Variants in PLCL1 observed in about 807,000 individuals in gnomAD.
PLCL1 encodes phospholipase C like 1 (inactive), also known as inactive phospholipase C-like protein 1.
In PLCL1, 41 loss-of-function variants were observed where a neutral mutation model predicts 84.4. The ratio of observed to expected loss-of-function variants is 0.49; its 90% CI spans 0.38 to 0.63. The LOEUF is 0.63. PLCL1 is among the 30% of genes least tolerant of loss of function. PLCL1 has a pLI of 0.00. For missense variants in PLCL1, 1,206 were observed against 1,367.8 expected, an observed-to-expected ratio of 0.88 and a Z score of 1.87; for synonymous variants, 490 against 488.3, an observed-to-expected ratio of 1.00 and a Z score of -0.05.
intron 1 of PLCL1, among the ~76,000 whole-genome samples, chr2:197,985,123 T>C (rs1690194757): frequency 6.6e-6 from 1 of 152,192 alleles, no homozygotes; most frequent in South Asian, 2.1e-4. Flanking sequence ...CTGAATGCTT[T>C]GGTGCAAGCG....
chr2:197,951,270 C>G (rs1350535912), intron 1 of PLCL1, among the ~76,000 whole-genome samples: 1 of 152,168 alleles, frequency 6.6e-6, no homozygotes, highest in Non-Finnish European at 1.5e-5. Flanking sequence ...CTTCCTCCAG[C>G]CTTTCTTCTG....
At chr2:197,934,561 G>T (rs1207354351) in intron 1 of PLCL1, among the ~76,000 whole-genome samples, 1 of 152,086 alleles carries the variant, frequency 6.6e-6, no homozygotes, top group Non-Finnish European at 1.5e-5. Flanking sequence ...TGAGGTATTT[G>T]CAGATAAGAG....
intron 1 of PLCL1, among the ~76,000 whole-genome samples, chr2:197,824,870 G>T (rs927249760): frequency 2.0e-5 from 3 of 152,128 alleles, no homozygotes; most frequent in Non-Finnish European, 4.4e-5. Context: ...CTCTGTAAAG[G>T]CAGGGGCCTT....
In PLCL1 at chr2:198,148,050, A is replaced by G. The variant is rs983268859; in HGVS notation, c.*1088A>G. 1 of 152,346 alleles carries G rather than the reference A, an allele frequency of 6.6e-6. No individual in the cohort carries two copies. The highest frequency in any genetic ancestry group is 2.4e-5 in the African/African-American group (1 of 41,468). The allele number at this position is 152,346 out of a possible 1,614,324, so 9.4% of individuals were successfully genotyped here. On this transcript the variant is annotated 3_prime_UTR_variant, in exon 6 of 6. Coordinates refer to ENST00000428675, the MANE Select transcript of PLCL1 (RefSeq NM_006226.4). ...TCTATGATATAACCCTAACACACAC[A>G]GAAAAGCATACATGCAAAAAGAAAT...
rs535164852 is a variant in PLCL1, at chr2:197,879,758, C to T, written c.240+74419C>T. Reference sequence around the variant, plus strand: ...ACCCTTTCTGGTTATGGATAAATCTCCTTGCCAAAACTCATATTCAACTTG... The same window carrying T: ...ACCCTTTCTGGTTATGGATAAATCTTCTTGCCAAAACTCATATTCAACTTG... On this transcript the variant is annotated intron_variant, in intron 1 of 5. Transcript: ENST00000428675. Among the ~76,000 whole-genome samples, 68 of 152,212 alleles carry T rather than the reference C, an allele frequency of 4.5e-4. 2 individuals carry two copies. In the South Asian group the frequency reaches 9.9e-3, roughly 22 times the overall value.
At chr2:197,819,562 G>A (rs554150267) in intron 1 of PLCL1, among the ~76,000 whole-genome samples, 2 of 152,120 alleles carry the variant, frequency 1.3e-5, no homozygotes, top group South Asian at 2.1e-4. Context: ...AGAATTGGAG[G>A]GCTGAATGGG....
chr2:197,874,494 AG>A (rs1352980492), intron 1 of PLCL1, among the ~76,000 whole-genome samples: 1 of 152,156 alleles, frequency 6.6e-6, no homozygotes, highest in African/African-American at 2.4e-5. Context: ...ATATACTGAC[AG>A]AAAATTAAAT....
At chr2:198,070,485 G>A (rs946172499) in intron 1 of PLCL1, among the ~76,000 whole-genome samples, 1 of 151,904 alleles carries the variant, frequency 6.6e-6, no homozygotes, top group Non-Finnish European at 1.5e-5. Context: ...ACTGAATTGT[G>A]CTTTGGACAT....
chr2:198,088,923 G>T lies in PLCL1; in HGVS notation c.2781G>T (p.Leu927=). The T allele has an allele frequency of 6.2e-7, 1 of 1,612,856 alleles. No homozygotes were observed. Among genetic ancestry groups the T allele is most frequent in the Non-Finnish European group, 8.5e-7 (1 of 1,178,882 alleles). ...CAATTGCCAGTCTGAAGCAGTGCCT[G>T]TTAACTCTGTCATCTCGGCTCATCA... The part of the protein sequence containing the change: ...LPPIASLKQC[L]LTLSSRLITS... The change falls in exon 3 of 6, where the codon CTG becomes CTT. Residue 927 remains leucine (L), a synonymous_variant. Transcript: ENST00000428675.
At chr2:198,018,106 G>C (rs1433628804) in intron 1 of PLCL1, among the ~76,000 whole-genome samples, 4 of 152,148 alleles carry the variant, frequency 2.6e-5, no homozygotes, top group Non-Finnish European at 4.4e-5. Context: ...GTGGGGCATT[G>C]CCTCACCCGG....
chr2:197,978,920 CACAG>C (rs1690045423), intron 1 of PLCL1, among the ~76,000 whole-genome samples: 2 of 152,226 alleles, frequency 1.3e-5, no homozygotes, highest in African/African-American at 4.8e-5. Flanking sequence ...TGCAACTCCA[CACAG>C]ACAATGGCCT....
chr2:197,989,839 C>T (rs190080569), intron 1 of PLCL1, among the ~76,000 whole-genome samples: 13 of 152,290 alleles, frequency 8.5e-5, no homozygotes, highest in African/African-American at 2.4e-4. Flanking sequence ...TCAAAACCTT[C>T]CTAAGCAGAA....
intron 5 of PLCL1, among the ~76,000 whole-genome samples, chr2:198,118,460 C>T (rs1693796095): frequency 6.6e-6 from 1 of 151,932 alleles, no homozygotes; most frequent in Non-Finnish European, 1.5e-5. Flanking sequence ...CTGGGAAGGT[C>T]AGATCCTTTG....
At chr2:197,828,807 A>C (rs893600604) in intron 1 of PLCL1, among the ~76,000 whole-genome samples, 4 of 152,202 alleles carry the variant, frequency 2.6e-5, no homozygotes, top group African/African-American at 9.6e-5. Context: ...AGATTGAAAC[A>C]GAATGTCTTT....
intron 1 of PLCL1, among the ~76,000 whole-genome samples, chr2:197,834,880 C>T (rs948756982): frequency 2.0e-5 from 3 of 152,186 alleles, no homozygotes; most frequent in Non-Finnish European, 2.9e-5. Context: ...TTCACAATAG[C>T]AAAGACGTGG....
intron 1 of PLCL1, among the ~76,000 whole-genome samples, chr2:198,020,623 T>C (rs1221693767): frequency 6.6e-6 from 1 of 151,258 alleles, no homozygotes; most frequent in Admixed American, 6.6e-5. Flanking sequence ...ACAGACTTTA[T>C]ACCAACAAAG....
At chr2:197,920,613 G>A (rs555429812) in intron 1 of PLCL1, among the ~76,000 whole-genome samples, 2 of 152,150 alleles carry the variant, frequency 1.3e-5, no homozygotes, top group African/African-American at 2.4e-5. Flanking sequence ...AAGGTTGCTT[G>A]CATAGGTTTA....
intron 1 of PLCL1, among the ~76,000 whole-genome samples, chr2:197,988,043 C>T (rs915185332): frequency 7.2e-5 from 11 of 151,892 alleles, no homozygotes; most frequent in East Asian, 1.9e-4. Flanking sequence ...GAGCAGTGAT[C>T]GGTATTGCGG....
chr2:198,101,172 A>T, intron 3 of PLCL1, 113 bp from the exon 4 acceptor site: 1 of 705,208 alleles, frequency 1.4e-6, no homozygotes, highest in South Asian at 1.7e-5. Flanking sequence ...TTGTGGTGAG[A>T]CTATGGCTTA....
Sources: allele counts gnomAD v4.1 joint callset (sites outside exome capture counted in the v4.1 genomes callset), GRCh38; gene constraint gnomAD v4.1.1; transcripts MANE v1.5; gene names NCBI Gene and HGNC (gene_info 2026-07-23, HGNC 2026-07-21).